The following KAT6A variants were observed in gnomAD, a reference collection of about 807,000 sequenced individuals.
KAT6A encodes the protein histone acetyltransferase KAT6A.
Under a neutral mutation model 198.4 loss-of-function variants are expected in KAT6A, and 9 were observed. The ratio of observed to expected loss-of-function variants is 0.05; its 90% CI spans 0.03 to 0.08. The LOEUF (loss-of-function observed/expected upper bound fraction) is 0.08, where lower values mean the gene tolerates loss of function less well. Ranked by LOEUF, KAT6A falls within the 10% of genes least tolerant of loss-of-function variation. KAT6A has a pLI of 1.00. For missense variants in KAT6A, 2,077 were observed against 2,509.9 expected (o/e 0.83, Z 3.69); for synonymous variants, 890 against 883.0 (o/e 1.01, Z -0.14).
chr8:41,964,626 T>TGAA (rs1375882219), intron 8 of KAT6A, among the ~76,000 whole-genome samples: 1 of 52,648 alleles, frequency 1.9e-5, no homozygotes, highest in Non-Finnish European at 3.1e-5. Flanking sequence ...TTCCAAAATC[T>TGAA]GAAAAAAAAA....
chr8:41,987,657 G>A, intron 2 of KAT6A, 94 bp from the exon 3 acceptor site: 1 of 793,028 alleles, frequency 1.3e-6, no homozygotes, highest in Non-Finnish European at 2.1e-6. Flanking sequence ...TCCTACCAGA[G>A]TAAGTTTAGG....
rs374227531 is a variant in KAT6A, at chr8:41,946,572, A to T, written c.1996+19T>A. Reference sequence around the variant, plus strand: ...AGGTCCACTGGAAAAGACCAATGAGAAATTAATATAATCCTTACTGAAATC... The same window carrying T: ...AGGTCCACTGGAAAAGACCAATGAGTAATTAATATAATCCTTACTGAAATC... On this transcript the variant is annotated intron_variant, in intron 12 of 16. Coordinates refer to ENST00000265713, the MANE Select transcript of KAT6A (RefSeq NM_006766.5). 2.2e-6 allele frequency: 3 copies of T among 1,355,496 alleles called. No homozygotes were observed. In the African/African-American group the frequency reaches 4.3e-5, roughly 20 times the overall value. 84.0% of individuals were successfully genotyped at this position (1,355,496 alleles called of 1,614,324 possible).
intron 8 of KAT6A, among the ~76,000 whole-genome samples, chr8:41,959,240 A>G (rs1261021559): frequency 2.0e-5 from 3 of 152,166 alleles, no homozygotes; most frequent in Admixed American, 1.3e-4. Context: ...TAAGCTCATG[A>G]AAAGATGCTC....
chr8:42,006,072 T>A (rs977360241), intron 2 of KAT6A, among the ~76,000 whole-genome samples: 13 of 152,168 alleles, frequency 8.5e-5, no homozygotes, highest in Non-Finnish European at 1.5e-5. Context: ...AGCAAAAGTA[T>A]ACCATCAAAT....
intron 2 of KAT6A, among the ~76,000 whole-genome samples, chr8:42,044,347 C>G (rs564670891): frequency 1.2e-4 from 19 of 152,092 alleles, no homozygotes; most frequent in Admixed American, 6.5e-4. Flanking sequence ...GATCCACCCC[C>G]CCCTCGGCAT....
intron 2 of KAT6A, among the ~76,000 whole-genome samples, chr8:42,027,085 C>T (rs1000832963): frequency 1.3e-5 from 2 of 152,176 alleles, no homozygotes; most frequent in Non-Finnish European, 2.9e-5. Context: ...ATAGGTTGAA[C>T]ATGAACATAT....
intron 2 of KAT6A, among the ~76,000 whole-genome samples, chr8:41,988,578 T>C (rs893915056): frequency 3.3e-5 from 5 of 152,268 alleles, no homozygotes; most frequent in African/African-American, 1.2e-4. Context: ...ATTTAAACAG[T>C]GGTTACAATG....
At chr8:41,938,954 GAAAA>G (rs894664976) in intron 15 of KAT6A, among the ~76,000 whole-genome samples, 1 of 75,768 alleles carries the variant, frequency 1.3e-5, no homozygotes. Flanking sequence ...TCTGGGGAAG[GAAAA>G]AAAAAAAAAA....
At chr8:41,952,543 TAC>T (rs1258367121) in intron 9 of KAT6A, among the ~76,000 whole-genome samples, 4 of 152,216 alleles carry the variant, frequency 2.6e-5, no homozygotes, top group Non-Finnish European at 5.9e-5. Context: ...AGGCAATGCA[TAC>T]ACAAATATCT....
chr8:41,963,659 CAA>C (rs746996622), intron 8 of KAT6A, among the ~76,000 whole-genome samples: 27 of 152,326 alleles, frequency 1.8e-4, no homozygotes, highest in Non-Finnish European at 3.2e-4. Flanking sequence ...CCATTGCTGA[CAA>C]TATCACCAGA....
chr8:42,042,033 C>T (rs995522358), intron 2 of KAT6A, among the ~76,000 whole-genome samples: 1 of 152,142 alleles, frequency 6.6e-6, no homozygotes, highest in Non-Finnish European at 1.5e-5. Flanking sequence ...AATTTCCAAG[C>T]TTATATTGGT....
chr8:41,930,240 T>TACCAACCCCCCC lies in KAT6A; in HGVS notation c.*1964_*1965insGGGGGGGTTGGT. On this transcript the variant is annotated 3_prime_UTR_variant, in exon 17 of 17. Coordinates refer to ENST00000265713, the MANE Select transcript of KAT6A (RefSeq NM_006766.5). ...TGACCCACCCTCCTCCCAATATACC[T>TACCAACCCCCCC]CCCTCCCGACCCACCCCGTCCCCAC... The TACCAACCCCCCC allele has an allele frequency of 6.7e-6, 1 of 149,868 alleles. No individual in the cohort carries two copies. The highest frequency in any genetic ancestry group is 1.3e-5 in the Non-Finnish European group (1 of 75,988). The allele number at this position is 149,868 out of a possible 1,614,324, so 9.3% of individuals were successfully genotyped here.
At chr8:42,029,895 T>C (rs1827019763) in intron 2 of KAT6A, among the ~76,000 whole-genome samples, 1 of 152,206 alleles carries the variant, frequency 6.6e-6, no homozygotes, top group Admixed American at 6.5e-5. Context: ...TACCCTTGTA[T>C]TTCACTGAGC....
chr8:41,933,944 G>T lies in KAT6A; in HGVS notation c.4276C>A (p.Gln1426Lys). The change falls in exon 17 of 17, where the codon CAG becomes AAG. Residue 1426 changes from glutamine to lysine, a missense_variant. Physicochemically the swap from Gln to Lys is moderately conservative, Grantham distance 53 (BLOSUM62 1). Around this residue, in one of 13 missense-constraint regions of KAT6A, gnomAD observed 178 missense variants for 220.8 expected, o/e 0.81. Transcript: ENST00000265713. The surrounding 1 kb of genome is among the most constrained non-coding windows in gnomAD (Gnocchi z 6.2). ...TCTTGAGTCAAAGACTGCACTGCCT[G>T]TACAGTTTCCAGATCCAGCTCACTA... Reference protein sequence around the residue: ...PHSELDLETVQAVQSLTQEES... With the variant: ...PHSELDLETVKAVQSLTQEES... 1 of 1,614,012 alleles carries T rather than the reference G, an allele frequency of 6.2e-7. No individual in the cohort carries two copies. The highest frequency in any genetic ancestry group is 8.5e-7 in the Non-Finnish European group (1 of 1,180,010).
In KAT6A at chr8:41,940,877, G is replaced by T. The variant is rs1264177701; in HGVS notation, c.3004C>A (p.Pro1002Thr). 1.1e-5 allele frequency: 17 copies of T among 1,613,104 alleles called. No individual in the cohort carries two copies. Among genetic ancestry groups the T allele is most frequent in the Non-Finnish European group, 1.7e-6 (2 of 1,179,920 alleles). ...EEPESPRSSSPPILTKPTLKR... is the reference protein window; with the variant it reads ...EEPESPRSSSTPILTKPTLKR... The stretch of plus-strand genomic sequence containing the variant: ...AGCGTGGGCTTTGTGAGAATTGGTG[G>T]CGAGCTTGACCGAGGGCTTTCCGGC... Residue 1002 changes from proline to threonine, a missense_variant, in exon 15 of 17, where the codon CCA becomes ACA. Transcript: ENST00000265713.
intron 6 of KAT6A, 191 bp from the exon 7 acceptor site, chr8:41,977,518 A>G: frequency 2.1e-6 from 1 of 481,430 alleles, no homozygotes; most frequent in Non-Finnish European, 3.6e-6. Context: ...ATCTATTGCC[A>G]GGAAGCCTAC....
At position 41,941,129 on chromosome 8, in the gene KAT6A, C is replaced by G. The variant is rs1564010574; in HGVS notation, c.2752G>C (p.Glu918Gln). 2 of 1,614,216 alleles carry G rather than the reference C, an allele frequency of 1.2e-6. No homozygotes were observed. The change falls in exon 15 of 17, where the codon GAA (glutamate) becomes CAA (glutamine). Residue 918 changes from glutamate to glutamine, a missense_variant. By Grantham distance (29) the Glu-to-Gln change is conservative (BLOSUM62 2). This residue lies in a region of KAT6A where 301 missense variants were observed against 272.2 expected (regional missense o/e 1.11). Transcript: ENST00000265713. ...TGCTCCTCAGAAGCCACCAGCTGTT[C>G]TTCACTTTCAGTGTATTGTTCCTGG... ...ATQEQYTESE[E>Q]QLVASEEQPS...
chr8:42,021,885 GCCACTGCA>G lies in KAT6A; in HGVS notation c.600+26485_600+26492del, dbSNP rs1826554689. 4.6e-5 allele frequency among the ~76,000 whole-genome samples: 7 copies of G among 152,336 alleles called. No homozygotes were observed. The South Asian group carries it at 1.5e-3, about 32-fold the overall frequency. ...AGAGGCTGCAGTGAGCAGAGATCGT[GCCACTGCA>G]CTCTAACCTGAACAGAGTAAGACTC... On this transcript the variant is annotated intron_variant, in intron 2 of 16. Transcript: ENST00000265713.
In KAT6A at chr8:42,001,062, G is replaced by C. The variant is rs916663015; in HGVS notation, c.601-13499C>G. On this transcript the variant is annotated intron_variant, in intron 2 of 16. Coordinates refer to ENST00000265713, the MANE Select transcript of KAT6A (RefSeq NM_006766.5). ...GAGGCTTTACAGGTAGAAAATGCTC[G>C]GTTTCTATTATTGGTAAATAGTGAT... is the stretch of plus-strand genomic sequence containing the variant. Among the ~76,000 whole-genome samples, 3 of 152,074 alleles carry C rather than the reference G, an allele frequency of 2.0e-5. No individual in the cohort carries two copies. The South Asian group carries it at 6.2e-4, about 32-fold the overall frequency.
Sources: allele counts gnomAD v4.1 joint callset (sites outside exome capture counted in the v4.1 genomes callset), GRCh38; gene constraint gnomAD v4.1.1; regional missense constraint gnomAD v4.1.1; non-coding constraint Gnocchi (gnomAD v3.1); transcripts MANE v1.5; gene names NCBI Gene and HGNC (gene_info 2026-07-23, HGNC 2026-07-21).